ZNF407: variants seen among roughly 807,000 people sequenced by gnomAD.
ZNF407 encodes the protein zinc finger protein 407.
In ZNF407, 17 loss-of-function variants were observed where a neutral mutation model predicts 131.2. The ratio of observed to expected loss-of-function variants is 0.13; its 90% CI spans 0.09 to 0.19. The LOEUF (loss-of-function observed/expected upper bound fraction) is 0.19. Among genes scored for constraint, ZNF407 ranks in the 10% least tolerant of loss-of-function variants. The pLI is 1.00. For missense variants in ZNF407, 2,681 were observed against 2,830.6 expected (o/e 0.95, Z 1.20); for synonymous variants, 1,156 against 1,062.0 (o/e 1.09, Z -1.72).
intron 4 of ZNF407, among the ~76,000 whole-genome samples, chr18:74,792,211 C>T (rs1247534526): frequency 1.3e-5 from 2 of 151,868 alleles, no homozygotes; most frequent in Non-Finnish European, 2.9e-5. Context: ...CATTCAAGAG[C>T]TTTTTAGTTG....
intron 4 of ZNF407, among the ~76,000 whole-genome samples, chr18:74,874,307 T>A (rs1286309025): frequency 6.6e-6 from 1 of 152,242 alleles, no homozygotes; most frequent in Non-Finnish European, 1.5e-5. Context: ...AACTGACCTA[T>A]AAAACAATCT....
chr18:74,658,847 T>A (rs1985592858), intron 3 of ZNF407, among the ~76,000 whole-genome samples: 1 of 152,194 alleles, frequency 6.6e-6, no homozygotes, highest in Non-Finnish European at 1.5e-5. Flanking sequence ...AACTTTGGCT[T>A]AAATATCCGT....
intron 1 of ZNF407, among the ~76,000 whole-genome samples, chr18:74,604,976 G>T (rs1458465010): frequency 6.6e-6 from 1 of 152,150 alleles, no homozygotes. Context: ...TTCGCTTAGT[G>T]GCATAGTTGA....
intron 4 of ZNF407, among the ~76,000 whole-genome samples, chr18:74,865,192 C>T (rs1438063299): frequency 2.0e-5 from 3 of 152,300 alleles, no homozygotes; most frequent in East Asian, 1.9e-4. Context: ...GCTTTTCCTT[C>T]TCAGAGCCAA....
At chr18:74,829,399 A>G (rs1283713286) in intron 4 of ZNF407, among the ~76,000 whole-genome samples, 5 of 152,224 alleles carry the variant, frequency 3.3e-5, no homozygotes, top group Non-Finnish European at 7.3e-5. Context: ...CTGTTGTCAT[A>G]GTTCAATGAA....
intron 4 of ZNF407, chr18:74,804,003 A>C (rs1250201140): frequency 1.3e-6 from 2 of 1,551,714 alleles, no homozygotes; most frequent in African/African-American, 1.4e-5. Context: ...CGTTGCCAGG[A>C]ATACAGAACA....
intron 8 of ZNF407, among the ~76,000 whole-genome samples, chr18:74,973,960 C>T (rs1374300169): frequency 6.6e-6 from 1 of 152,152 alleles, no homozygotes; most frequent in African/African-American, 2.4e-5. Flanking sequence ...TGACCCTGTT[C>T]CCAAATACAG....
intron 3 of ZNF407, among the ~76,000 whole-genome samples, chr18:74,737,340 GTCTA>G (rs761157036): frequency 6.6e-6 from 1 of 152,190 alleles, no homozygotes; most frequent in African/African-American, 2.4e-5. Flanking sequence ...AGTGCTAATG[GTCTA>G]TCTGTGTAAT....
rs77643483 is a variant in ZNF407, at chr18:74,675,639, A to G, written c.4802+34517A>G. On this transcript the variant is annotated intron_variant, in intron 3 of 8. Coordinates refer to ENST00000299687, the MANE Select transcript of ZNF407 (RefSeq NM_017757.3). ...TCTTTCCTTTTTTGCCTTTTATTGC[A>G]TAGCTTTTCTGATTTTAGTTCCTGT... Among the ~76,000 whole-genome samples the G allele has an allele frequency of 3.2e-3, 483 of 152,278 alleles. 2 individuals carry two copies. The highest frequency in any genetic ancestry group is 0.011 in the African/African-American group (450 of 41,572).
At chr18:75,020,787 T>C (rs879633563) in intron 8 of ZNF407, among the ~76,000 whole-genome samples, 3 of 152,190 alleles carry the variant, frequency 2.0e-5, no homozygotes, top group Non-Finnish European at 2.9e-5. Context: ...TGAATTAAAG[T>C]GTTCAGCATT....
chr18:74,881,910 C>T (rs974939714), intron 6 of ZNF407, among the ~76,000 whole-genome samples: 1 of 152,168 alleles, frequency 6.6e-6, no homozygotes, highest in African/African-American at 2.4e-5. Context: ...ACCTCACAAT[C>T]ATGGCGGAAG....
chr18:74,886,115 C>T (rs1210491748), intron 6 of ZNF407, among the ~76,000 whole-genome samples: 1 of 152,114 alleles, frequency 6.6e-6, no homozygotes, highest in Non-Finnish European at 1.5e-5. Flanking sequence ...ACTTTCCAAA[C>T]ATAATTCTGA....
chr18:74,967,014 A>T (rs1442203961), intron 8 of ZNF407, among the ~76,000 whole-genome samples: 1 of 152,234 alleles, frequency 6.6e-6, no homozygotes, highest in East Asian at 1.9e-4. Flanking sequence ...TAATCTGAAC[A>T]CTTTGGGAGA....
intron 4 of ZNF407, among the ~76,000 whole-genome samples, chr18:74,860,442 C>A (rs1005585350): frequency 3.3e-5 from 5 of 150,900 alleles, no homozygotes; most frequent in African/African-American, 9.7e-5. Context: ...AAAGTTTGAC[C>A]CAGAATAATT....
At chr18:74,916,259 T>C (rs1971759500) in intron 7 of ZNF407, among the ~76,000 whole-genome samples, 2 of 118,844 alleles carry the variant, frequency 1.7e-5, no homozygotes, top group Non-Finnish European at 3.3e-5. Context: ...GTGTGAAGCA[T>C]TGGTTCGAAT....
chr18:74,905,089 T>C (rs545975245), intron 7 of ZNF407, among the ~76,000 whole-genome samples: 12 of 152,330 alleles, frequency 7.9e-5, no homozygotes, highest in East Asian at 3.9e-4. Context: ...ACAACTCTTT[T>C]GTCTTGTAAA....
chr18:74,818,246 A>G (rs1970293684), intron 4 of ZNF407, among the ~76,000 whole-genome samples: 1 of 152,214 alleles, frequency 6.6e-6, no homozygotes, highest in Admixed American at 6.5e-5. Context: ...AAACGCAGGC[A>G]TTCTCTCTCG....
intron 7 of ZNF407, among the ~76,000 whole-genome samples, chr18:74,906,099 A>G (rs1219663904): frequency 6.6e-6 from 1 of 152,078 alleles, no homozygotes; most frequent in African/African-American, 2.4e-5. Context: ...CATTCCCAGC[A>G]CTTCTCTCTT....
intron 8 of ZNF407, among the ~76,000 whole-genome samples, chr18:75,032,003 C>G (rs1202834182): frequency 6.6e-6 from 1 of 152,128 alleles, no homozygotes; most frequent in East Asian, 1.9e-4. Context: ...TTAAATTCCC[C>G]AAAACATGGA....
Sources: gnomAD v4.1 joint callset for allele counts (sites outside exome capture counted in the v4.1 genomes callset) on GRCh38, gnomAD v4.1.1 for gene constraint, MANE v1.5 for transcripts, NCBI Gene and HGNC (gene_info 2026-07-23, HGNC 2026-07-21) for gene names.